Variants in NRXN3 observed in about 807,000 individuals in gnomAD.
NRXN3 encodes neurexin 3, also known as neurexin III.
NRXN3 carries 32 observed loss-of-function variants against 137.6 expected under a neutral mutation model. The ratio of observed to expected loss-of-function variants is 0.23; its 90% CI spans 0.18 to 0.31. The LOEUF (loss-of-function observed/expected upper bound fraction) is 0.31, where lower values mean the gene tolerates loss of function less well. Among genes scored for constraint, NRXN3 ranks in the 10% least tolerant of loss-of-function variants. The pLI, the probability that NRXN3 is intolerant of heterozygous loss-of-function variation, is 1.00. For missense variants in NRXN3, 1,574 were observed against 2,062.5 expected (o/e 0.76, Z 4.59); for synonymous variants, 798 against 784.5 (o/e 1.02, Z -0.29).
At chr14:79,089,324 G>C (rs577021780) in intron 15 of NRXN3, among the ~76,000 whole-genome samples, 2 of 152,118 alleles carry the variant, frequency 1.3e-5, no homozygotes, top group Non-Finnish European at 2.9e-5. Context: ...AATGCTAGTT[G>C]ATAGCAAACA....
chr14:79,549,492 C>G (rs1273304653), intron 16 of NRXN3, among the ~76,000 whole-genome samples: 1 of 152,130 alleles, frequency 6.6e-6, no homozygotes, highest in Non-Finnish European at 1.5e-5. Context: ...CTTGTTCCTT[C>G]CTTTCACCAA....
intron 15 of NRXN3, among the ~76,000 whole-genome samples, chr14:79,247,946 C>G (rs1234626287): frequency 6.6e-6 from 1 of 152,020 alleles, no homozygotes; most frequent in Non-Finnish European, 1.5e-5. Flanking sequence ...ATCTATCACC[C>G]TCTCTCATAG....
intron 16 of NRXN3, among the ~76,000 whole-genome samples, chr14:79,565,674 G>T (rs1208772345): frequency 6.6e-6 from 1 of 151,976 alleles, no homozygotes; most frequent in African/African-American, 2.4e-5. Context: ...TTTACAAAAT[G>T]GAAGGATGAA....
chr14:78,495,125 G>A (rs75029765), intron 4 of NRXN3, among the ~76,000 whole-genome samples: 4,344 of 48,162 alleles, frequency 0.09, 96 homozygotes, highest in Non-Finnish European at 0.12. Flanking sequence ...TATGTGGGGT[G>A]TGTGTGTGCG....
intron 8 of NRXN3, among the ~76,000 whole-genome samples, chr14:78,786,060 C>T: frequency 6.6e-6 from 1 of 152,092 alleles, no homozygotes; most frequent in East Asian, 1.9e-4. Flanking sequence ...ATATTTCAGG[C>T]TAATAAGGTT....
At chr14:79,590,476 A>G (rs78856895) in intron 16 of NRXN3, among the ~76,000 whole-genome samples, 3,646 of 150,238 alleles carry the variant, frequency 0.024, 77 homozygotes, top group Non-Finnish European at 0.036. Context: ...GTTGACTGTC[A>G]AAAATAAGCA....
intron 15 of NRXN3, among the ~76,000 whole-genome samples, chr14:79,271,598 TCTC>T (rs2079335488): frequency 6.7e-6 from 1 of 149,492 alleles, no homozygotes. Flanking sequence ...TCCCTTCCCT[TCTC>T]CTGCCGTGCC....
chr14:79,374,980 T>A (rs1478838136), intron 15 of NRXN3, among the ~76,000 whole-genome samples: 1 of 152,124 alleles, frequency 6.6e-6, no homozygotes, highest in Non-Finnish European at 1.5e-5. Context: ...ACAGGATACA[T>A]GTATCAAGTA....
chr14:78,559,044 A>T (rs1469335620), intron 4 of NRXN3, among the ~76,000 whole-genome samples: 2 of 152,214 alleles, frequency 1.3e-5, no homozygotes, highest in African/African-American at 4.8e-5. Context: ...ACCTTGGGTG[A>T]AGAGAGTTGA....
At position 78,939,047 on chromosome 14, in the gene NRXN3, G is replaced by T. The variant is rs1242578951; in HGVS notation, c.2276-18195G>T. ...TTTTTAGTAGAGACGGGGTTTCACC[G>T]TGTTAGCCAGGATGGTCTCGATCTC... On this transcript the variant is annotated intron_variant, in intron 10 of 20. Transcript: ENST00000335750. Among the ~76,000 whole-genome samples the T allele has an allele frequency of 2.6e-5, 4 of 151,490 alleles. No homozygotes were observed. In the South Asian group the frequency reaches 8.3e-4, roughly 32 times the overall value.
chr14:79,419,079 A>C (rs1346630081), intron 15 of NRXN3, among the ~76,000 whole-genome samples: 1 of 152,208 alleles, frequency 6.6e-6, no homozygotes, highest in East Asian at 1.9e-4. Flanking sequence ...TCTGTAAAAC[A>C]GTTATAAGAA....
In NRXN3 at chr14:78,508,313, G is replaced by C. The variant is rs538060473; in HGVS notation, c.758-136807G>C. On this transcript the variant is annotated intron_variant, in intron 4 of 20. Coordinates refer to ENST00000335750, the MANE Select transcript of NRXN3 (RefSeq NM_001330195.2). ...AGATTGCTTGACAAGTCACACCAAG[G>C]TTTACTCAAAGTCACTGCCATTATG... is the stretch of plus-strand genomic sequence containing the variant. Among the ~76,000 whole-genome samples the C allele has an allele frequency of 4.6e-5, 7 of 152,294 alleles. No homozygotes were observed. The East Asian group carries it at 1.4e-3, about 29-fold the overall frequency.
At chr14:78,616,362 C>A (rs1215252197) in intron 4 of NRXN3, among the ~76,000 whole-genome samples, 8 of 152,166 alleles carry the variant, frequency 5.3e-5, no homozygotes, top group Admixed American at 5.2e-4. Flanking sequence ...CTCTCCCTCC[C>A]CTCCCAAAGG....
At chr14:78,456,902 C>CTCCT (rs368874220) in intron 4 of NRXN3, among the ~76,000 whole-genome samples, 11 of 135,018 alleles carry the variant, frequency 8.1e-5, no homozygotes, top group African/African-American at 1.7e-4. Context: ...TCGTTCATTC[C>CTCCT]TCCTTCCTTC....
At chr14:78,846,739 A>G (rs1210110576) in intron 10 of NRXN3, among the ~76,000 whole-genome samples, 2 of 152,100 alleles carry the variant, frequency 1.3e-5, no homozygotes, top group Non-Finnish European at 2.9e-5. Flanking sequence ...GGTCAGCAGA[A>G]GTAGGTAGAT....
chr14:78,601,993 G>A (rs1479375979), intron 4 of NRXN3, among the ~76,000 whole-genome samples: 1 of 152,126 alleles, frequency 6.6e-6, no homozygotes, highest in Non-Finnish European at 1.5e-5. Context: ...AGTCACTTTG[G>A]AGTTGATTGC....
chr14:79,448,643 C>T (rs573339568), intron 15 of NRXN3, among the ~76,000 whole-genome samples: 4 of 152,268 alleles, frequency 2.6e-5, no homozygotes, highest in African/African-American at 7.2e-5. Flanking sequence ...GTAAAGAATT[C>T]TGCAACTCAC....
chr14:79,763,371 C>T (rs116837555), intron 19 of NRXN3, among the ~76,000 whole-genome samples: 1,165 of 70,932 alleles, frequency 0.016, 53 homozygotes, highest in African/African-American at 0.046. Context: ...TTTATACATA[C>T]GTGTGCATGT....
At position 79,030,623 on chromosome 14, in the gene NRXN3, CTT is replaced by C. The variant is rs562124208; in HGVS notation, c.3262+42484_3262+42485del. ...TGTACAGGTACATGGCTTTTTGTCT[CTT>C]TCTCTGTGTCTTTTTTTTTTTTTTT... On this transcript the variant is annotated intron_variant, in intron 15 of 20. Coordinates refer to ENST00000335750, the MANE Select transcript of NRXN3 (RefSeq NM_001330195.2). Among the ~76,000 whole-genome samples, 39 of 86,232 alleles carry C rather than the reference CTT, an allele frequency of 4.5e-4. 1 individual carries two copies. The South Asian group carries it at 0.019, about 42-fold the overall frequency. 56.6% of individuals were successfully genotyped at this position (86,232 alleles called of 152,430 possible). A position where few individuals can be genotyped will look rare whatever the true frequency, so the allele number is the denominator to read the frequency against.
Sources: allele counts gnomAD v4.1 joint callset (sites outside exome capture counted in the v4.1 genomes callset), GRCh38; gene constraint gnomAD v4.1.1; transcripts MANE v1.5; gene names NCBI Gene and HGNC (gene_info 2026-07-23, HGNC 2026-07-21).